The following SGCG variants were observed in gnomAD, a reference collection of about 807,000 sequenced individuals.
The protein encoded by SGCG is gamma-sarcoglycan.
SGCG carries 26 observed loss-of-function variants against 29.3 expected under a neutral mutation model. The ratio of observed to expected loss-of-function variants is 0.89; its 90% CI spans 0.65 to 1.23. SGCG has a LOEUF of 1.23. Among genes scored for constraint, SGCG ranks in the 50% most tolerant of loss-of-function variants. The pLI, the probability that SGCG is intolerant of heterozygous loss-of-function variation, is 0.00. For missense variants in SGCG, 353 were observed against 356.0 expected, an observed-to-expected ratio of 0.99 and a Z score of 0.07; for synonymous variants, 145 against 129.7, an observed-to-expected ratio of 1.12 and a Z score of -0.80.
chr13:23,189,269 T>A (rs1238221000), intron 1 of SGCG, among the ~76,000 whole-genome samples: 1 of 152,170 alleles, frequency 6.6e-6, no homozygotes, highest in South Asian at 2.1e-4. Flanking sequence ...CTCCGCCTCC[T>A]GGGTTCAAAC....
At chr13:23,203,995 T>C in intron 2 of SGCG, 106 bp downstream of exon 2, 2 of 876,746 alleles carry the variant, frequency 2.3e-6, no homozygotes, top group Non-Finnish European at 3.8e-6. Flanking sequence ...CATTCATTTC[T>C]TTGCTGTCTG....
intron 1 of SGCG, among the ~76,000 whole-genome samples, chr13:23,192,560 A>G (rs948009254): frequency 2.0e-5 from 3 of 151,108 alleles, no homozygotes; most frequent in African/African-American, 7.3e-5. Flanking sequence ...CGCCCAGCTA[A>G]TTTTTTTGTA....
chr13:23,188,487 T>A (rs1877091887), intron 1 of SGCG, among the ~76,000 whole-genome samples: 1 of 127,912 alleles, frequency 7.8e-6, no homozygotes, highest in Non-Finnish European at 1.8e-5. Flanking sequence ...CTAATTTTTT[T>A]TTTTTTTTTT....
chr13:23,234,695 G>A lies in SGCG; in HGVS notation c.280G>A (p.Glu94Lys), dbSNP rs867039495. 1 of 1,598,264 alleles carries A rather than the reference G, an allele frequency of 6.3e-7. No homozygotes were observed. Among genetic ancestry groups the A allele is most frequent in the South Asian group, 1.1e-5 (1 of 90,756 alleles). The change falls in exon 3 of 8, where the codon GAA becomes AAA. Residue 94 changes from glutamate to lysine, a missense_variant. By Grantham distance (56) the Glu-to-Lys change is moderately conservative. Coordinates refer to ENST00000218867, the MANE Select transcript of SGCG (RefSeq NM_000231.3). The part of the protein sequence containing the change: ...SEFLFPLYAK[E>K]IHSRVDSSLL... ...ATTTTTATTCCCATTGTATGCCAAA[G>A]AAATACACTCCAGAGTGGTAAGAAA...
intron 4 of SGCG, among the ~76,000 whole-genome samples, chr13:23,269,999 C>G (rs1321617583): frequency 1.3e-5 from 2 of 151,802 alleles, no homozygotes; most frequent in Non-Finnish European, 2.9e-5. Flanking sequence ...CTCAGCCTCC[C>G]GAGTAGCTGG....
intron 6 of SGCG, among the ~76,000 whole-genome samples, chr13:23,312,200 G>A (rs1187185178): frequency 6.6e-6 from 1 of 152,114 alleles, no homozygotes; most frequent in African/African-American, 2.4e-5. Flanking sequence ...ACCTACCAAA[G>A]GGAAATTTCT....
chr13:23,178,437 G>A (rs1210856605), upstream of SGCG, among the ~76,000 whole-genome samples: 2 of 152,198 alleles, frequency 1.3e-5, no homozygotes, highest in African/African-American at 4.8e-5. Flanking sequence ...TGTTGTATTG[G>A]AGGAATTGTG....
At chr13:23,275,120 AATATATAT>A (rs55873099) in intron 4 of SGCG, among the ~76,000 whole-genome samples, 7 of 129,926 alleles carry the variant, frequency 5.4e-5, no homozygotes, top group East Asian at 2.3e-4. Flanking sequence ...TAATGGATGG[AATATATAT>A]ATATATATAT....
At chr13:23,279,227 A>G (rs112678694) in intron 4 of SGCG, 132 bp from the exon 5 acceptor site, 5 of 793,262 alleles carry the variant, frequency 6.3e-6, no homozygotes, top group African/African-American at 3.4e-5. Flanking sequence ...GAATCAATCA[A>G]TACCACTAAT....
chr13:23,228,432 C>CT (rs75289837), intron 2 of SGCG, among the ~76,000 whole-genome samples: 62,314 of 151,808 alleles, frequency 0.41, 13,022 homozygotes, highest in South Asian at 0.54. Context: ...TCAATTCCTA[C>CT]TTTTTTTCTT....
chr13:23,234,854 G>A (rs982781598), intron 3 of SGCG, 142 bp downstream of exon 3: 1 of 638,554 alleles, frequency 1.6e-6, no homozygotes, highest in Non-Finnish European at 2.8e-6. Context: ...TAAAAAGCTT[G>A]ACTATTGCAG....
chr13:23,322,911 T>C (rs1336398806), intron 7 of SGCG, among the ~76,000 whole-genome samples: 4 of 152,014 alleles, frequency 2.6e-5, no homozygotes, highest in Non-Finnish European at 5.9e-5. Flanking sequence ...TATCCGGCCC[T>C]CTCTAGGCCT....
At chr13:23,287,575 G>A (rs563465633) in intron 5 of SGCG, among the ~76,000 whole-genome samples, 5 of 152,306 alleles carry the variant, frequency 3.3e-5, no homozygotes, top group Admixed American at 1.3e-4. Context: ...CATGAGGATC[G>A]TTTTAAGTAG....
intron 6 of SGCG, among the ~76,000 whole-genome samples, chr13:23,309,752 G>GT (rs1299638434): frequency 6.6e-6 from 1 of 152,060 alleles, no homozygotes; most frequent in Non-Finnish European, 1.5e-5. Flanking sequence ...CAAAGGTTTG[G>GT]TGTAAACTCA....
At chr13:23,168,687 T>C in the SGCG span, among the ~76,000 whole-genome samples, 35 of 152,212 alleles carry the variant, frequency 2.3e-4, no homozygotes, top group Non-Finnish European at 2.9e-5. Context: ...ACATTTGTCA[T>C]CTATTCTAGC....
intron 4 of SGCG, among the ~76,000 whole-genome samples, chr13:23,269,711 C>T (rs1880784150): frequency 6.6e-6 from 1 of 152,186 alleles, no homozygotes; most frequent in Non-Finnish European, 1.5e-5. Flanking sequence ...TTTTTCACAG[C>T]TGCATAGTAC....
intron 6 of SGCG, among the ~76,000 whole-genome samples, chr13:23,298,793 C>T (rs1882007713): frequency 6.6e-6 from 1 of 152,078 alleles, no homozygotes; most frequent in African/African-American, 2.4e-5. Flanking sequence ...CATGTTATCC[C>T]ATTAAATCTT....
chr13:23,247,601 A>G (rs920432200), intron 3 of SGCG, among the ~76,000 whole-genome samples: 2 of 152,030 alleles, frequency 1.3e-5, no homozygotes, highest in African/African-American at 4.8e-5. Flanking sequence ...TTTAAAAGTG[A>G]GGTAGGTGAT....
chr13:23,244,150 T>C (rs1343761986), intron 3 of SGCG: 1 of 152,192 alleles, frequency 6.6e-6, no homozygotes, highest in East Asian at 1.9e-4. Flanking sequence ...AAATTGTGTA[T>C]ATAAAAACAA....
Sources: allele counts gnomAD v4.1 joint callset (sites outside exome capture counted in the v4.1 genomes callset), GRCh38; gene constraint gnomAD v4.1.1; transcripts MANE v1.5; gene names NCBI Gene and HGNC (gene_info 2026-07-23, HGNC 2026-07-21).